Variants in LINGO2 observed in about 807,000 individuals in gnomAD.
LINGO2 encodes the protein leucine-rich repeat and immunoglobulin-like domain-containing nogo receptor-interacting protein 2.
Under a neutral mutation model 30.6 loss-of-function variants are expected in LINGO2, and 14 were observed. The observed-to-expected ratio is 0.46, with a 90% confidence interval of 0.30 to 0.72. The LOEUF is 0.72. Among genes scored for constraint, LINGO2 ranks in the 30% least tolerant of loss-of-function variants. The probability of loss-of-function intolerance (pLI) is 0.07; values close to 1 mark genes in which losing one functional copy is unlikely to be tolerated. For missense variants in LINGO2, 729 were observed against 751.7 expected, an observed-to-expected ratio of 0.97 and a Z score of 0.35; for synonymous variants, 317 against 288.5, an observed-to-expected ratio of 1.10 and a Z score of -1.00.
At chr9:27,942,940 G>A in the LINGO2 span, 1 of 152,012 alleles carries the variant, frequency 6.6e-6, no homozygotes, top group Non-Finnish European at 1.5e-5. Flanking sequence ...TTTGTAACTG[G>A]GGAGAAAAAC....
the LINGO2 span, among the ~76,000 whole-genome samples, chr9:28,689,784 C>T: frequency 6.6e-6 from 1 of 152,016 alleles, no homozygotes; most frequent in South Asian, 2.1e-4. Flanking sequence ...ACTGCATACA[C>T]TGCATATTCA....
At chr9:28,704,408 G>T in the LINGO2 span, among the ~76,000 whole-genome samples, 3 of 146,882 alleles carry the variant, frequency 2.0e-5, no homozygotes, top group East Asian at 2.0e-4. Flanking sequence ...TTTTTTTTTC[G>T]CATTTATCCT....
At chr9:28,054,663 T>C (rs1002334883) in intron 4 of LINGO2, among the ~76,000 whole-genome samples, 55 of 152,274 alleles carry the variant, frequency 3.6e-4, no homozygotes, top group African/African-American at 1.3e-3. Flanking sequence ...CTTTGTCTTT[T>C]GGTCAACAGT....
At chr9:28,702,170 C>T in the LINGO2 span, among the ~76,000 whole-genome samples, 1 of 151,862 alleles carries the variant, frequency 6.6e-6, no homozygotes, top group East Asian at 1.9e-4. Flanking sequence ...TGAAAAGGAG[C>T]AGTGAGTGGG....
the LINGO2 span, among the ~76,000 whole-genome samples, chr9:29,109,657 A>G: frequency 1.3e-5 from 2 of 152,232 alleles, no homozygotes; most frequent in African/African-American, 4.8e-5. Context: ...AAAGTGAGTC[A>G]GTGAGCTTGG....
chr9:28,878,789 C>A, the LINGO2 span, among the ~76,000 whole-genome samples: 1 of 152,116 alleles, frequency 6.6e-6, no homozygotes, highest in Non-Finnish European at 1.5e-5. Flanking sequence ...ATTTCAACAA[C>A]CCTTCATGCT....
intron 4 of LINGO2, among the ~76,000 whole-genome samples, chr9:28,226,749 G>A (rs960455957): frequency 1.3e-5 from 2 of 152,116 alleles, no homozygotes; most frequent in Non-Finnish European, 2.9e-5. Context: ...TTATGATCCA[G>A]TGCATCCCTT....
the LINGO2 span, among the ~76,000 whole-genome samples, chr9:29,199,074 T>C: frequency 2.0e-5 from 3 of 152,186 alleles, no homozygotes; most frequent in Admixed American, 1.3e-4. Context: ...GTTGCGGGCC[T>C]GTGGGAGGCA....
At chr9:28,045,711 C>T (rs1338204987) in intron 4 of LINGO2, among the ~76,000 whole-genome samples, 5 of 151,720 alleles carry the variant, frequency 3.3e-5, no homozygotes. Flanking sequence ...AATGATTGAA[C>T]ACTAATTTTC....
At chr9:29,148,590 C>A in the LINGO2 span, among the ~76,000 whole-genome samples, 1 of 151,982 alleles carries the variant, frequency 6.6e-6, no homozygotes, top group Non-Finnish European at 1.5e-5. Context: ...ATTTTTATTC[C>A]CTGTTAATTT....
chr9:28,566,289 A>G lies in LINGO2; in HGVS notation c.-364-90264T>C, dbSNP rs376301839. Among the ~76,000 whole-genome samples the G allele has an allele frequency of 3.3e-5, 5 of 152,258 alleles. No homozygotes were observed. In the East Asian group the frequency reaches 9.6e-4, roughly 29 times the overall value. ...TCTACCAGAATGGCACCATTTCAAT[A>G]TTTTGTCAATGAATATAGCTACACC... On this transcript the variant is annotated intron_variant, in intron 1 of 5. Transcript: ENST00000379992.
At chr9:28,189,473 AAGGG>A (rs1819697292) in intron 4 of LINGO2, among the ~76,000 whole-genome samples, 1 of 52,278 alleles carries the variant, frequency 1.9e-5, no homozygotes. Context: ...GGGAGGAAGG[AAGGG>A]AGGGAGGAAG....
At chr9:28,314,629 C>A (rs1198861791) in intron 3 of LINGO2, among the ~76,000 whole-genome samples, 1 of 152,164 alleles carries the variant, frequency 6.6e-6, no homozygotes, top group Non-Finnish European at 1.5e-5. Flanking sequence ...GCTCTTTGCT[C>A]CATCATGTTA....
exon 6 of LINGO2, chr9:27,949,716 C>T: frequency 6.2e-7 from 1 of 1,614,080 alleles, no homozygotes; most frequent in Non-Finnish European, 8.5e-7. Flanking sequence ...GAAGCGGAGC[C>T]CTTGGAAGGA....
intron 4 of LINGO2, among the ~76,000 whole-genome samples, chr9:28,253,549 TGTAACCATGTTTTA>T (rs1050099680): frequency 7.2e-5 from 11 of 152,306 alleles, no homozygotes; most frequent in African/African-American, 2.6e-4. Flanking sequence ...ATTGTATTTT[TGTAACCATGTTTTA>T]GTAGTTTCTG....
In LINGO2 at chr9:28,600,801, C is replaced by T. The variant is rs942556926; in HGVS notation, c.-365+69399G>A. Among the ~76,000 whole-genome samples the T allele has an allele frequency of 3.9e-5, 6 of 152,160 alleles. No homozygotes were observed. The East Asian group carries it at 1.2e-3, about 29-fold the overall frequency. ...GCACGAGAATAGCCTGTTCACTTAA[C>T]TAATTTACAGATTCTTTCTCAAAGT... On this transcript the variant is annotated intron_variant, in intron 1 of 5. Transcript: ENST00000379992.
chr9:28,677,479 T>G, the LINGO2 span, among the ~76,000 whole-genome samples: 1 of 152,154 alleles, frequency 6.6e-6, no homozygotes, highest in African/African-American at 2.4e-5. Context: ...AAATATTTGT[T>G]GCGTGACTGA....
chr9:28,785,673 A>AAC, the LINGO2 span, among the ~76,000 whole-genome samples: 5,536 of 75,810 alleles, frequency 0.073, 357 homozygotes, highest in African/African-American at 0.2. Flanking sequence ...TCTCTCCACA[A>AAC]ACACACACAC....
the LINGO2 span, among the ~76,000 whole-genome samples, chr9:29,071,339 A>C: frequency 4.0e-5 from 6 of 150,964 alleles, no homozygotes; most frequent in South Asian, 1.2e-3. Context: ...TTATATGTGC[A>C]TAACACCATG....
Sources: gnomAD v4.1 joint callset for allele counts (sites outside exome capture counted in the v4.1 genomes callset) on GRCh38, gnomAD v4.1.1 for gene constraint, MANE v1.5 for transcripts, NCBI Gene and HGNC (gene_info 2026-07-23, HGNC 2026-07-21) for gene names.